CSMD3: variants seen among roughly 807,000 people sequenced by gnomAD.
CSMD3 encodes CUB and sushi domain-containing protein 3.
CSMD3 carries 177 observed loss-of-function variants against 435.2 expected under a neutral mutation model. The ratio of observed to expected loss-of-function variants is 0.41; its 90% CI spans 0.36 to 0.46. The LOEUF is 0.46. CSMD3 is among the 20% of genes least tolerant of loss of function. CSMD3 has a pLI of 0.34. For missense variants in CSMD3, 4,265 were observed against 4,504.6 expected (o/e 0.95, Z 1.52); for synonymous variants, 1,656 against 1,520.5 (o/e 1.09, Z -2.07).
chr8:112,232,445 C>T (rs913770627), intron 68 of CSMD3, among the ~76,000 whole-genome samples: 4 of 152,026 alleles, frequency 2.6e-5, no homozygotes, highest in African/African-American at 9.7e-5. Flanking sequence ...CCCGTCTCTA[C>T]TAAAATTACA....
chr8:113,212,593 A>T (rs2092849936), intron 3 of CSMD3, among the ~76,000 whole-genome samples: 1 of 152,144 alleles, frequency 6.6e-6, no homozygotes, highest in South Asian at 2.1e-4. Flanking sequence ...TTGTAGGGAC[A>T]TGGATGAAGC....
chr8:113,127,280 A>T (rs544906182), intron 4 of CSMD3, among the ~76,000 whole-genome samples: 4 of 152,086 alleles, frequency 2.6e-5, no homozygotes, highest in Non-Finnish European at 4.4e-5. Flanking sequence ...TGTCATGTCC[A>T]CTTGGATCTG....
At chr8:112,858,754 T>C (rs533135652) in intron 11 of CSMD3, among the ~76,000 whole-genome samples, 1 of 151,874 alleles carries the variant, frequency 6.6e-6, no homozygotes, top group South Asian at 2.1e-4. Flanking sequence ...TATATAGCAA[T>C]AGAGAAACAT....
At chr8:112,280,911 G>T (rs943587663) in intron 59 of CSMD3, among the ~76,000 whole-genome samples, 5 of 151,972 alleles carry the variant, frequency 3.3e-5, no homozygotes, top group Admixed American at 1.3e-4. Context: ...TTAAAATTCT[G>T]TTAAATTACA....
chr8:113,087,810 T>C (rs1564299462), intron 5 of CSMD3, among the ~76,000 whole-genome samples: 1 of 152,216 alleles, frequency 6.6e-6, no homozygotes, highest in Admixed American at 6.5e-5. Flanking sequence ...AGGGACTTCA[T>C]GTCTAAAACA....
rs191186427 is a variant in CSMD3 at position 112,804,760 on chromosome 8, G to T, written c.1860-4486C>A. 2.6e-3 allele frequency among the ~76,000 whole-genome samples: 396 copies of T among 151,956 alleles called. 5 individuals carry two copies. The highest frequency in any genetic ancestry group is 9.1e-3 in the African/African-American group (377 of 41,430). On this transcript the variant is annotated intron_variant, in intron 12 of 70. Transcript: ENST00000297405. ...GCTCACTGCAACCTCCAACTCCCGG[G>T]TTCAAGCAATTATCCTGCCTCAGCC...
At position 112,408,924 on chromosome 8, in the gene CSMD3, T is replaced by G. The variant is rs1382912642; in HGVS notation, c.5504A>C (p.His1835Pro). Residue 1835 changes from histidine to proline, a missense_variant, in exon 33 of 71, where the codon CAT (histidine) becomes CCT (proline). His to Pro is a moderately conservative substitution (Grantham distance 77). Transcript: ENST00000297405. The stretch of plus-strand genomic sequence containing the variant: ...GCAGTTCTATTAAAGGATACCTGAA[T>G]GGGATCCTGAGAGGGAAGATAACAG... ...SSLLSSLSGS[H>P]SGESLPLSSG... 1 of 1,613,528 alleles carries G rather than the reference T, an allele frequency of 6.2e-7. No individual in the cohort carries two copies. Among genetic ancestry groups the G allele is most frequent in the South Asian group, 1.1e-5 (1 of 91,076 alleles).
rs2090241481 is a variant in CSMD3 at position 113,098,757 on chromosome 8, A to G, written c.916T>C (p.Trp306Arg). 6.3e-7 allele frequency: 1 copy of G among 1,595,152 alleles called. No individual in the cohort carries two copies. The highest frequency in any genetic ancestry group is 8.6e-7 in the Non-Finnish European group (1 of 1,163,282). Reference protein sequence around the residue: ...EIEGSEPPTIWLSGMNIPPPI... With the variant: ...EIEGSEPPTIRLSGMNIPPPI... ...GGTTAATAGAAGCTATTTACTTACC[A>G]TATGGTAGGTGGCTCAGAACCTTCT... is the stretch of plus-strand genomic sequence containing the variant. Residue 306 changes from tryptophan to arginine, a missense_variant and splice_region_variant, in exon 5 of 71, where the codon TGG (tryptophan) becomes CGG (arginine). Around this residue, in one of 3 missense-constraint regions of CSMD3, gnomAD observed 731 missense variants for 755.4 expected, o/e 0.97. Coordinates refer to ENST00000297405, the MANE Select transcript of CSMD3 (RefSeq NM_198123.2).
intron 3 of CSMD3, among the ~76,000 whole-genome samples, chr8:113,187,139 GT>G (rs906645392): frequency 4.3e-4 from 63 of 147,910 alleles, no homozygotes; most frequent in East Asian, 1.4e-3. Flanking sequence ...TTTGCTGGGA[GT>G]TTTTTTTTTT....
intron 12 of CSMD3, among the ~76,000 whole-genome samples, chr8:112,812,392 C>T (rs1370104902): frequency 6.6e-6 from 1 of 152,138 alleles, no homozygotes; most frequent in Non-Finnish European, 1.5e-5. Flanking sequence ...CAGCCCACCC[C>T]AAGGAAAACC....
intron 1 of CSMD3, among the ~76,000 whole-genome samples, chr8:113,421,843 A>T (rs1044271191): frequency 1.3e-5 from 2 of 152,220 alleles, no homozygotes; most frequent in Non-Finnish European, 2.9e-5. Context: ...GGAAAGATTA[A>T]CCACTAATGA....
chr8:112,783,861 C>G (rs12682563), intron 13 of CSMD3, among the ~76,000 whole-genome samples: 8 of 151,086 alleles, frequency 5.3e-5, no homozygotes, highest in Non-Finnish European at 8.9e-5. Context: ...AAGGTCAATA[C>G]ATGTTGATAA....
intron 42 of CSMD3, among the ~76,000 whole-genome samples, chr8:112,341,106 A>G (rs1367500782): frequency 6.6e-6 from 1 of 152,148 alleles, no homozygotes. Context: ...ACATAATACA[A>G]CACATGAATA....
chr8:113,429,339 A>G (rs529660717), intron 1 of CSMD3, among the ~76,000 whole-genome samples: 1 of 152,006 alleles, frequency 6.6e-6, no homozygotes, highest in African/African-American at 2.4e-5. Flanking sequence ...AAAACCCATG[A>G]AAAAAAGAAA....
chr8:112,397,435 A>C (rs1290114829), intron 35 of CSMD3, among the ~76,000 whole-genome samples: 1 of 152,168 alleles, frequency 6.6e-6, no homozygotes, highest in Non-Finnish European at 1.5e-5. Context: ...CATATGACAC[A>C]ATTTTCTATC....
chr8:112,491,157 C>A (rs1312672814), intron 31 of CSMD3, among the ~76,000 whole-genome samples: 1 of 152,036 alleles, frequency 6.6e-6, no homozygotes, highest in Non-Finnish European at 1.5e-5. Context: ...TAAGTGAATA[C>A]ATTCTACAAC....
chr8:112,888,360 A>T (rs1188210057), intron 10 of CSMD3, among the ~76,000 whole-genome samples: 2 of 151,644 alleles, frequency 1.3e-5, no homozygotes, highest in African/African-American at 4.8e-5. Flanking sequence ...CGTAGGCTTA[A>T]AGCCAATGGA....
chr8:112,693,016 T>A (rs1471378370), intron 13 of CSMD3, among the ~76,000 whole-genome samples: 1 of 151,912 alleles, frequency 6.6e-6, no homozygotes, highest in Non-Finnish European at 1.5e-5. Flanking sequence ...GGACTATCTG[T>A]GGTTTAAAGC....
chr8:112,380,309 CTTG>C (rs1457234314), intron 38 of CSMD3, 40 bp downstream of exon 38: 1 of 1,050,308 alleles, frequency 9.5e-7, no homozygotes, highest in African/African-American at 1.6e-5. Context: ...TTAATATAAA[CTTG>C]TTCTTAACCT....
Sources: allele counts gnomAD v4.1 joint callset (sites outside exome capture counted in the v4.1 genomes callset), GRCh38; gene constraint gnomAD v4.1.1; regional missense constraint gnomAD v4.1.1; transcripts MANE v1.5; gene names NCBI Gene and HGNC (gene_info 2026-07-23, HGNC 2026-07-21).